Variants in CHCHD3 observed in about 807,000 individuals in gnomAD.
CHCHD3 encodes the protein coiled-coil-helix-coiled-coil-helix domain containing 3.
CHCHD3 carries 20 observed loss-of-function variants against 38.2 expected under a neutral mutation model. The observed-to-expected ratio is 0.52, with a 90% CI of 0.37 to 0.76. The LOEUF (loss-of-function observed/expected upper bound fraction) is 0.76, where lower values mean the gene tolerates loss of function less well. Among genes scored for constraint, CHCHD3 ranks in the 30% least tolerant of loss-of-function variants. The probability of loss-of-function intolerance (pLI) is 0.00; values close to 1 mark genes in which losing one functional copy is unlikely to be tolerated. For synonymous variants in CHCHD3, 82 were observed against 100.0 expected, an observed-to-expected ratio of 0.82 and a Z score of 1.07; for missense variants, 245 against 279.2, an observed-to-expected ratio of 0.88 and a Z score of 0.87.
chr7:132,799,648 G>A (rs1359894668), intron 6 of CHCHD3, among the ~76,000 whole-genome samples: 1 of 152,144 alleles, frequency 6.6e-6, no homozygotes, highest in Non-Finnish European at 1.5e-5. Flanking sequence ...AAAGAAGTGG[G>A]AAGATCTAAT....
At chr7:132,886,213 C>G (rs188474081) in intron 4 of CHCHD3, among the ~76,000 whole-genome samples, 142 of 151,990 alleles carry the variant, frequency 9.3e-4, no homozygotes, top group Non-Finnish European at 1.9e-3. Flanking sequence ...TTCTATTTCC[C>G]TTTATGTAAA....
chr7:132,923,961 T>C (rs1458102301), intron 4 of CHCHD3, among the ~76,000 whole-genome samples: 2 of 152,226 alleles, frequency 1.3e-5, no homozygotes, highest in Non-Finnish European at 2.9e-5. Flanking sequence ...CTTAGATTTT[T>C]AGAGAATATT....
At chr7:132,821,756 T>A (rs888295767) in intron 6 of CHCHD3, among the ~76,000 whole-genome samples, 3 of 83,756 alleles carry the variant, frequency 3.6e-5, no homozygotes, top group African/African-American at 6.4e-5. Context: ...TCTTTTTTTT[T>A]TTTTTTTTTT....
chr7:132,814,662 A>G (rs1807153402), intron 6 of CHCHD3, among the ~76,000 whole-genome samples: 1 of 152,254 alleles, frequency 6.6e-6, no homozygotes, highest in Non-Finnish European at 1.5e-5. Context: ...AGCCTTACAC[A>G]TCATAAAATC....
rs1806288905 is a variant in CHCHD3, at chr7:132,785,434, C to T, written c.*203G>A. Reference sequence around the variant, plus strand: ...AATACTCAAGAGTGTCCTTTAATGACTGATCCCTGATCAAGGCTTTGGCCC... The same window carrying T: ...AATACTCAAGAGTGTCCTTTAATGATTGATCCCTGATCAAGGCTTTGGCCC... On this transcript the variant is annotated 3_prime_UTR_variant, in exon 8 of 8. Coordinates refer to ENST00000262570, the MANE Select transcript of CHCHD3 (RefSeq NM_017812.4). 1.6e-6 allele frequency: 1 copy of T among 619,260 alleles called. No homozygotes were observed. Among genetic ancestry groups the T allele is most frequent in the Non-Finnish European group, 2.9e-6 (1 of 343,946 alleles). The allele number at this position is 619,260 out of a possible 1,614,324, so 38.4% of individuals were successfully genotyped here. A position where few individuals can be genotyped will look rare whatever the true frequency, so the allele number is the denominator to read the frequency against.
chr7:132,826,283 T>G (rs1807507750), intron 6 of CHCHD3, among the ~76,000 whole-genome samples: 1 of 152,186 alleles, frequency 6.6e-6, no homozygotes, highest in African/African-American at 2.4e-5. Flanking sequence ...ATAATGTAAT[T>G]GGCAAATAGC....
intron 2 of CHCHD3, among the ~76,000 whole-genome samples, chr7:133,026,225 A>G (rs376667602): frequency 6.6e-6 from 1 of 152,238 alleles, no homozygotes; most frequent in African/African-American, 2.4e-5. Context: ...GGCAAAGGCT[A>G]TAAATAGGTA....
chr7:132,883,039 T>C (rs1022092222), intron 5 of CHCHD3, among the ~76,000 whole-genome samples: 10 of 152,152 alleles, frequency 6.6e-5, no homozygotes, highest in African/African-American at 2.4e-4. Context: ...CTGCACGCTC[T>C]CTCTCTCCTG....
At chr7:132,880,951 C>T (rs1809035545) in intron 5 of CHCHD3, among the ~76,000 whole-genome samples, 1 of 152,132 alleles carries the variant, frequency 6.6e-6, no homozygotes, top group Admixed American at 6.5e-5. Context: ...ATCTATGTCT[C>T]TTATACCAAT....
At chr7:132,893,287 T>A (rs1241727650) in intron 4 of CHCHD3, among the ~76,000 whole-genome samples, 3 of 152,228 alleles carry the variant, frequency 2.0e-5, no homozygotes, top group African/African-American at 7.2e-5. Context: ...ACTGCCCTGC[T>A]GGATTTCAGA....
chr7:133,023,333 AGTTT>A (rs887666734), intron 3 of CHCHD3, among the ~76,000 whole-genome samples: 77 of 152,202 alleles, frequency 5.1e-4, no homozygotes, highest in African/African-American at 1.8e-3. Context: ...ATTGGGAGTT[AGTTT>A]GTCAAAAGAA....
At chr7:132,902,540 C>G (rs1809696327) in intron 4 of CHCHD3, among the ~76,000 whole-genome samples, 1 of 152,040 alleles carries the variant, frequency 6.6e-6, no homozygotes, top group Non-Finnish European at 1.5e-5. Context: ...AAGCTGGAAA[C>G]CATCATTCTC....
chr7:132,970,767 T>TAA (rs139837719), intron 4 of CHCHD3, among the ~76,000 whole-genome samples: 1 of 147,572 alleles, frequency 6.8e-6, no homozygotes, highest in African/African-American at 2.5e-5. Flanking sequence ...CATTTAGATT[T>TAA]AAAAAAAAAA....
intron 5 of CHCHD3, among the ~76,000 whole-genome samples, chr7:132,861,637 T>G (rs544618944): frequency 1.3e-5 from 2 of 152,304 alleles, no homozygotes; most frequent in African/African-American, 4.8e-5. Context: ...GAGTAAATAT[T>G]TGAAGCTTTA....
At chr7:132,798,164 T>C (rs1042211556) in intron 6 of CHCHD3, among the ~76,000 whole-genome samples, 3 of 152,198 alleles carry the variant, frequency 2.0e-5, no homozygotes, top group Admixed American at 2.0e-4. Flanking sequence ...CAAAGCATGT[T>C]GGTGGTTCCC....
intron 7 of CHCHD3, among the ~76,000 whole-genome samples, chr7:132,791,584 C>T (rs1276772242): frequency 2.0e-5 from 3 of 152,164 alleles, no homozygotes; most frequent in African/African-American, 7.2e-5. Flanking sequence ...ACTATGTTTT[C>T]AGGACCCCTT....
At chr7:133,050,625 C>A (rs1395190471) in intron 2 of CHCHD3, among the ~76,000 whole-genome samples, 1 of 152,062 alleles carries the variant, frequency 6.6e-6, no homozygotes, top group Non-Finnish European at 1.5e-5. Context: ...ATAGATAGAA[C>A]AACTCCAATA....
At chr7:132,926,965 T>A (rs1054668072) in intron 4 of CHCHD3, among the ~76,000 whole-genome samples, 3 of 152,238 alleles carry the variant, frequency 2.0e-5, no homozygotes, top group African/African-American at 7.2e-5. Flanking sequence ...CCATCCTGTT[T>A]ACCAAGAATC....
chr7:132,998,890 A>G (rs1343075922), intron 3 of CHCHD3, among the ~76,000 whole-genome samples: 1 of 152,218 alleles, frequency 6.6e-6, no homozygotes, highest in Non-Finnish European at 1.5e-5. Context: ...CTTAAAAATT[A>G]GCATTAAAAC....
Sources: allele counts gnomAD v4.1 joint callset (sites outside exome capture counted in the v4.1 genomes callset), GRCh38; gene constraint gnomAD v4.1.1; transcripts MANE v1.5; gene names NCBI Gene and HGNC (gene_info 2026-07-23, HGNC 2026-07-21).